Variants in SEZ6L observed in about 807,000 individuals in gnomAD.
SEZ6L encodes seizure related 6 homolog like, also known as seizure 6-like protein.
Under a neutral mutation model 106.2 loss-of-function variants are expected in SEZ6L, and 37 were observed. The observed-to-expected ratio is 0.35, with a 90% CI of 0.27 to 0.46. The LOEUF is 0.46. SEZ6L is among the 20% of genes least tolerant of loss of function. The pLI is 1.00. For synonymous variants in SEZ6L, 541 were observed against 570.4 expected (o/e 0.95, Z 0.73); for missense variants, 1,172 against 1,332.8 (o/e 0.88, Z 1.88).
intron 1 of SEZ6L, among the ~76,000 whole-genome samples, chr22:26,270,641 T>G (rs1318684982): frequency 6.6e-6 from 1 of 152,220 alleles, no homozygotes; most frequent in South Asian, 2.1e-4. Context: ...TTTTGGATTA[T>G]TGAAGATTTG....
intron 10 of SEZ6L, among the ~76,000 whole-genome samples, chr22:26,345,219 A>G (rs543669862): frequency 2.6e-4 from 39 of 152,334 alleles, no homozygotes; most frequent in African/African-American, 7.9e-4. Flanking sequence ...TCCCTGGGGT[A>G]CAGGCCCTGG....
chr22:26,217,109 C>T (rs1030895264), intron 1 of SEZ6L, among the ~76,000 whole-genome samples: 1 of 152,150 alleles, frequency 6.6e-6, no homozygotes, highest in African/African-American at 2.4e-5. Context: ...ATTATCATCT[C>T]ATTTATTCCA....
At chr22:26,214,326 AT>A (rs1246324610) in intron 1 of SEZ6L, among the ~76,000 whole-genome samples, 1 of 152,198 alleles carries the variant, frequency 6.6e-6, no homozygotes. Context: ...TGTCCTGAGG[AT>A]TAAAGAAGTA....
In SEZ6L at chr22:26,351,252, T is replaced by C. The variant is rs746621666; in HGVS notation, c.2599+9T>C. ...CCTGCCCCACTGCGTTTGTGAGTCCTGTTTAATGAATTGGGCCCCCAGTAG... is the reference window on the plus strand; with the variant it reads ...CCTGCCCCACTGCGTTTGTGAGTCCCGTTTAATGAATTGGGCCCCCAGTAG... On this transcript the variant is annotated intron_variant, in intron 12 of 16. Transcript: ENST00000248933. 1.2e-6 allele frequency: 2 copies of C among 1,611,692 alleles called. No individual in the cohort carries two copies. Among genetic ancestry groups the C allele is most frequent in the Admixed American group, 3.3e-5 (2 of 59,810 alleles).
chr22:26,381,517 A>G lies in SEZ6L; in HGVS notation c.*1222A>G, dbSNP rs1216444961. On this transcript the variant is annotated 3_prime_UTR_variant, in exon 17 of 17. Coordinates refer to ENST00000248933, the MANE Select transcript of SEZ6L (RefSeq NM_021115.5). ...AGGGGATTTTAAATCACAGCAGACC[A>G]TCCAGTGGAATCCTGTATCATCTGA... 6.5e-6 allele frequency: 1 copy of G among 152,852 alleles called. No individual in the cohort carries two copies. The highest frequency in any genetic ancestry group is 1.5e-5 in the Non-Finnish European group (1 of 68,476). 9.5% of individuals were successfully genotyped at this position (152,852 alleles called of 1,614,324 possible).
rs528556143 is a variant in SEZ6L, at chr22:26,366,467, G to A, written c.2794+901G>A. ...CTAGCATTTTGGGAAGCTGAGGTGG[G>A]AGGATTGCTTGAGCCGGGGAGTTTG... On this transcript the variant is annotated intron_variant, in intron 13 of 16. Transcript: ENST00000248933. Among the ~76,000 whole-genome samples, 8 of 152,296 alleles carry A rather than the reference G, an allele frequency of 5.3e-5. No individual in the cohort carries two copies. In the South Asian group the frequency reaches 1.5e-3, roughly 28 times the overall value.
At chr22:26,301,580 C>A (rs538696189) in intron 5 of SEZ6L, among the ~76,000 whole-genome samples, 2 of 152,124 alleles carry the variant, frequency 1.3e-5, no homozygotes, top group East Asian at 1.9e-4. Flanking sequence ...TTGTGAGAGG[C>A]GTTGCAATGC....
chr22:26,345,997 T>C (rs1057116150), intron 10 of SEZ6L, among the ~76,000 whole-genome samples: 19 of 151,294 alleles, frequency 1.3e-4, no homozygotes, highest in African/African-American at 4.6e-4. Context: ...ATACCAACAG[T>C]TTATTTTTAT....
chr22:26,273,436 C>A (rs911729048), intron 1 of SEZ6L, among the ~76,000 whole-genome samples: 10 of 152,266 alleles, frequency 6.6e-5, no homozygotes, highest in African/African-American at 2.4e-4. Flanking sequence ...ACTGGGCAAG[C>A]CTGCAAGTGA....
intron 9 of SEZ6L, among the ~76,000 whole-genome samples, chr22:26,335,242 A>G (rs1297266292): frequency 6.6e-6 from 1 of 152,252 alleles, no homozygotes; most frequent in East Asian, 1.9e-4. Context: ...AATGAGGCAG[A>G]GAGTAACTTG....
intron 5 of SEZ6L, among the ~76,000 whole-genome samples, chr22:26,304,430 A>AAGAAAGAAAGAG (rs769423765): frequency 6.7e-6 from 1 of 148,564 alleles, no homozygotes; most frequent in African/African-American, 2.5e-5. Flanking sequence ...GAAAGAAAGA[A>AAGAAAGAAAGAG]AAAGAAAGGA....
chr22:26,361,533 A>ATG (rs1208443398), intron 12 of SEZ6L, among the ~76,000 whole-genome samples: 3 of 149,578 alleles, frequency 2.0e-5, no homozygotes, highest in Non-Finnish European at 4.4e-5. Context: ...ATATATATAT[A>ATG]TATATGTATT....
intron 1 of SEZ6L, among the ~76,000 whole-genome samples, chr22:26,181,121 C>T (rs1939363000): frequency 6.6e-6 from 1 of 152,198 alleles, no homozygotes; most frequent in African/African-American, 2.4e-5. Context: ...CAATGCATGT[C>T]ACTACTATCC....
intron 1 of SEZ6L, among the ~76,000 whole-genome samples, chr22:26,200,038 A>C (rs1379374018): frequency 6.6e-6 from 1 of 152,234 alleles, no homozygotes; most frequent in Non-Finnish European, 1.5e-5. Context: ...TAGTTAAGCT[A>C]CTGAGCAAAG....
intron 13 of SEZ6L, among the ~76,000 whole-genome samples, chr22:26,369,960 T>G (rs1368943109): frequency 6.6e-6 from 1 of 152,142 alleles, no homozygotes; most frequent in African/African-American, 2.4e-5. Context: ...TTGCAGAGCT[T>G]AAGTATTGGG....
intron 1 of SEZ6L, among the ~76,000 whole-genome samples, chr22:26,186,073 G>C (rs1939758254): frequency 6.6e-6 from 1 of 151,948 alleles, no homozygotes; most frequent in South Asian, 2.1e-4. Context: ...ACCAAGCACA[G>C]GTTTGCCGCA....
intron 2 of SEZ6L, 64 bp downstream of exon 2, chr22:26,293,210 G>A: frequency 6.9e-7 from 1 of 1,450,226 alleles, no homozygotes; most frequent in Non-Finnish European, 9.0e-7. Flanking sequence ...TATGTTCAGG[G>A]CATGTGGGTA....
At chr22:26,295,564 T>A (rs2081276809) in intron 3 of SEZ6L, among the ~76,000 whole-genome samples, 1 of 152,176 alleles carries the variant, frequency 6.6e-6, no homozygotes, top group African/African-American at 2.4e-5. Context: ...CCTTAATAAT[T>A]GTTCATGGAA....
intron 1 of SEZ6L, among the ~76,000 whole-genome samples, chr22:26,231,050 T>G (rs572699381): frequency 6.6e-6 from 1 of 152,292 alleles, no homozygotes; most frequent in Non-Finnish European, 1.5e-5. Context: ...GGCCAGCCAG[T>G]GGTGTTAAGC....
Sources: gnomAD v4.1 joint callset for allele counts (sites outside exome capture counted in the v4.1 genomes callset) on GRCh38, gnomAD v4.1.1 for gene constraint, MANE v1.5 for transcripts, NCBI Gene and HGNC (gene_info 2026-07-23, HGNC 2026-07-21) for gene names.